The following CEP55 variants were observed in gnomAD, a reference collection of about 807,000 sequenced individuals.
The protein encoded by CEP55 is centrosomal protein of 55 kDa.
A neutral mutation model predicts 63.2 loss-of-function variants in CEP55; 57 were observed. That is an observed-to-expected ratio of 0.90 (90% confidence interval 0.73 to 1.13). CEP55 has a LOEUF of 1.13. Among genes scored for constraint, CEP55 ranks in the 50% most tolerant of loss-of-function variants. The probability of loss-of-function intolerance (pLI) is 0.00; values close to 1 mark genes in which losing one functional copy is unlikely to be tolerated. For synonymous variants in CEP55, 178 were observed against 191.6 expected, an observed-to-expected ratio of 0.93 and a Z score of 0.59; for missense variants, 456 against 518.9, an observed-to-expected ratio of 0.88 and a Z score of 1.18.
rs1433094912 is a variant in CEP55, at chr10:93,496,695, C to T, written c.-241C>T. The T allele has an allele frequency of 2.6e-5, 4 of 152,298 alleles. No homozygotes were observed. The highest frequency in any genetic ancestry group is 2.0e-4 in the Admixed American group (3 of 15,290). The allele number at this position is 152,298 out of a possible 1,614,324, so 9.4% of individuals were successfully genotyped here. Reference sequence around the variant, plus strand: ...GCTTCGCTTCAGCTGCTAGCTGGCCCAAGGGAGGCGACCGCGGAGGGTGGC... The same window carrying T: ...GCTTCGCTTCAGCTGCTAGCTGGCCTAAGGGAGGCGACCGCGGAGGGTGGC... On this transcript the variant is annotated 5_prime_UTR_variant, in exon 1 of 9. Transcript: ENST00000371485.
intron 7 of CEP55, 120 bp from the exon 8 acceptor site, chr10:93,519,562 C>A: frequency 8.5e-7 from 1 of 1,174,580 alleles, no homozygotes; most frequent in Non-Finnish European, 1.2e-6. Flanking sequence ...TAGGTGAATT[C>A]TTGCTACGAT....
intron 6 of CEP55, among the ~76,000 whole-genome samples, chr10:93,517,779 G>A (rs1388800992): frequency 6.6e-6 from 1 of 152,236 alleles, no homozygotes; most frequent in African/African-American, 2.4e-5. Context: ...AGGATTATTG[G>A]AATTGAACAG....
At chr10:93,517,776 T>C (rs1467108597) in intron 6 of CEP55, among the ~76,000 whole-genome samples, 3 of 152,242 alleles carry the variant, frequency 2.0e-5, no homozygotes, top group Non-Finnish European at 4.4e-5. Flanking sequence ...GTTAGGATTA[T>C]TGGAATTGAA....
chr10:93,526,199 G>A (rs1589661482), intron 8 of CEP55, among the ~76,000 whole-genome samples: 1 of 152,232 alleles, frequency 6.6e-6, no homozygotes, highest in East Asian at 1.9e-4. Context: ...CCTACAAAGG[G>A]CTAATATCCA....
At position 93,503,414 on chromosome 10, in the gene CEP55, A is replaced by ATT. The variant is rs201170622; in HGVS notation, c.459+35_459+36dup. ...GTGCTAATCATTTCTTTAAACCCAG[A>ATT]TTTTTTTTTTCTTTCTGATACAGTT... On this transcript the variant is annotated intron_variant, in intron 3 of 8. Transcript: ENST00000371485. The ATT allele has an allele frequency of 5.3e-6, 8 of 1,506,252 alleles. No individual in the cohort carries two copies. In the South Asian group the frequency reaches 7.6e-5, roughly 14 times the overall value. The allele number at this position is 1,506,252 out of a possible 1,614,324, so 93.3% of individuals were successfully genotyped here.
Position 93,518,933 on chromosome 10 carries a change from T to C in CEP55, c.1050T>C (p.Ala350=). ...AGCAAGAAGAACAAACAAGGGTAGC[T>C]CTGTTGGAACAACAGGTACTCATTC... The part of the protein sequence containing the change: ...LKQQEEQTRV[A]LLEQQMQACT... Residue 350 remains alanine (A), a synonymous_variant, in exon 7 of 9, where the codon GCT becomes GCC. Transcript: ENST00000371485. 2 of 1,613,252 alleles carry C rather than the reference T, an allele frequency of 1.2e-6. No homozygotes were observed. Among genetic ancestry groups the C allele is most frequent in the Non-Finnish European group, 8.5e-7 (1 of 1,179,216 alleles).
intron 8 of CEP55, among the ~76,000 whole-genome samples, chr10:93,525,196 A>ACT (rs912298381): frequency 6.6e-5 from 10 of 151,876 alleles, no homozygotes; most frequent in African/African-American, 2.2e-4. Flanking sequence ...AAACCCCATC[A>ACT]TCTCAGCCCA....
At chr10:93,514,027 C>T (rs1312918589) in intron 4 of CEP55, among the ~76,000 whole-genome samples, 1 of 151,734 alleles carries the variant, frequency 6.6e-6, no homozygotes, top group Non-Finnish European at 1.5e-5. Context: ...TCACTGCAAC[C>T]TCCGCCTCCC....
intron 8 of CEP55, among the ~76,000 whole-genome samples, chr10:93,522,857 A>G (rs1352702322): frequency 6.6e-6 from 1 of 152,148 alleles, no homozygotes; most frequent in African/African-American, 2.4e-5. Flanking sequence ...AAGTGAAGGA[A>G]AAATAAAATC....
intron 8 of CEP55, among the ~76,000 whole-genome samples, chr10:93,523,351 C>A (rs1453455674): frequency 6.6e-6 from 1 of 152,178 alleles, no homozygotes; most frequent in Non-Finnish European, 1.5e-5. Flanking sequence ...AAGGACATTA[C>A]ATAATGGTAA....
At chr10:93,518,188 C>T (rs1056028705) in intron 6 of CEP55, among the ~76,000 whole-genome samples, 2 of 151,420 alleles carry the variant, frequency 1.3e-5, no homozygotes, top group Admixed American at 1.3e-4. Flanking sequence ...CTTGCTCTGT[C>T]GCCCAGGCTG....
chr10:93,502,231 T>G (rs1000410282), intron 2 of CEP55, among the ~76,000 whole-genome samples: 1 of 152,152 alleles, frequency 6.6e-6, no homozygotes, highest in Non-Finnish European at 1.5e-5. Context: ...ATTGAAATAG[T>G]AGTGTTACAT....
Position 93,519,822 on chromosome 10 carries a change from A to G in CEP55, c.1191+15A>G, listed in dbSNP as rs1564768246. On this transcript the variant is annotated intron_variant, in intron 8 of 8. Transcript: ENST00000371485. Reference sequence around the variant, plus strand: ...TGGAATCCTTGGTGAGTCTGGAATGATTAAACTAAAATTTGTCTTCGTCTT... The same window carrying G: ...TGGAATCCTTGGTGAGTCTGGAATGGTTAAACTAAAATTTGTCTTCGTCTT... 1.9e-6 allele frequency: 3 copies of G among 1,613,772 alleles called. No individual in the cohort carries two copies. Among genetic ancestry groups the G allele is most frequent in the Non-Finnish European group, 2.5e-6 (3 of 1,179,968 alleles).
At chr10:93,514,900 G>A (rs985269830) in intron 4 of CEP55, among the ~76,000 whole-genome samples, 43 of 152,188 alleles carry the variant, frequency 2.8e-4, no homozygotes, top group African/African-American at 1.0e-3. Flanking sequence ...AGCCTCCTGA[G>A]TAGTTAGGAT....
chr10:93,498,004 C>T (rs2057591070), intron 1 of CEP55, among the ~76,000 whole-genome samples: 2 of 152,022 alleles, frequency 1.3e-5, no homozygotes, highest in Non-Finnish European at 2.9e-5. Context: ...CACCTGTAGT[C>T]CCAGCTACTC....
At chr10:93,511,286 G>T (rs749585148) in intron 4 of CEP55, among the ~76,000 whole-genome samples, 1 of 151,992 alleles carries the variant, frequency 6.6e-6, no homozygotes, top group Non-Finnish European at 1.5e-5. Flanking sequence ...ATTTTTATTG[G>T]TAACTTGGAG....
intron 4 of CEP55, among the ~76,000 whole-genome samples, 178 bp downstream of exon 4, chr10:93,507,234 TTTTTTTTCCTGAGGCAAAGTCTC>T (rs1270767783): frequency 6.6e-6 from 1 of 151,476 alleles, no homozygotes. Context: ...CCTTTTTTTT[TTTTTTTTCCTGAGGCAAAGTCTC>T]GGTCTGTTGC....
chr10:93,505,292 C>T (rs549189744), intron 3 of CEP55, among the ~76,000 whole-genome samples: 11 of 152,298 alleles, frequency 7.2e-5, no homozygotes, highest in African/African-American at 2.6e-4. Context: ...GGAAGCTTTG[C>T]TCCACAGAGT....
intron 6 of CEP55, among the ~76,000 whole-genome samples, chr10:93,518,258 T>C (rs2057824259): frequency 6.6e-6 from 1 of 152,146 alleles, no homozygotes; most frequent in Non-Finnish European, 1.5e-5. Context: ...CAAGTGATTC[T>C]TGTGCCTCAG....
Sources: gnomAD v4.1 joint callset for allele counts (sites outside exome capture counted in the v4.1 genomes callset) on GRCh38, gnomAD v4.1.1 for gene constraint, MANE v1.5 for transcripts, NCBI Gene and HGNC (gene_info 2026-07-23, HGNC 2026-07-21) for gene names.